Variants in EPB41L5 observed in about 807,000 individuals in gnomAD.
The protein encoded by EPB41L5 is band 4.1-like protein 5.
In EPB41L5, 55 loss-of-function variants were observed where a neutral mutation model predicts 106.6. The observed-to-expected ratio is 0.52, with a 90% CI of 0.42 to 0.65. EPB41L5 has a LOEUF of 0.65. EPB41L5 is among the 30% of genes least tolerant of loss of function. EPB41L5 has a pLI of 0.00. For missense variants in EPB41L5, 871 were observed against 882.1 expected (o/e 0.99, Z 0.16); for synonymous variants, 297 against 306.7 (o/e 0.97, Z 0.33).
intron 4 of EPB41L5, 55 bp downstream of exon 4, chr2:120,073,275 AT>A: frequency 1.4e-5 from 20 of 1,392,692 alleles, no homozygotes; most frequent in Non-Finnish European, 1.9e-5. Flanking sequence ...TATATTAGAA[AT>A]TCTGATTTCT....
chr2:120,122,788 T>C (rs897214799), intron 16 of EPB41L5, among the ~76,000 whole-genome samples: 2 of 152,246 alleles, frequency 1.3e-5, no homozygotes, highest in Non-Finnish European at 2.9e-5. Flanking sequence ...TTTCACGATA[T>C]TGATTCTTCC....
chr2:120,032,717 G>C (rs913545373), intron 2 of EPB41L5, among the ~76,000 whole-genome samples: 1 of 152,130 alleles, frequency 6.6e-6, no homozygotes, highest in African/African-American at 2.4e-5. Flanking sequence ...GCCCGGTTTT[G>C]AATATAGAAT....
chr2:120,136,443 A>T (rs894677486), intron 18 of EPB41L5, among the ~76,000 whole-genome samples: 1 of 151,142 alleles, frequency 6.6e-6, no homozygotes, highest in Non-Finnish European at 1.5e-5. Flanking sequence ...TAAACTCTCC[A>T]ATCAAAACAC....
intron 3 of EPB41L5, among the ~76,000 whole-genome samples, chr2:120,048,311 T>C (rs1679967004): frequency 6.6e-6 from 1 of 152,050 alleles, no homozygotes. Context: ...TGGTTGGTAG[T>C]CCATTAGTTA....
chr2:120,050,974 A>T (rs532657137), intron 3 of EPB41L5, among the ~76,000 whole-genome samples: 10 of 152,330 alleles, frequency 6.6e-5, no homozygotes, highest in African/African-American at 2.2e-4. Flanking sequence ...AGAACAGTGA[A>T]TATTGCTGAA....
rs1374166016 is a variant in EPB41L5, at chr2:120,131,657, T to C, written c.1541T>C (p.Met514Thr). 1 of 1,613,862 alleles carries C rather than the reference T, an allele frequency of 6.2e-7. No individual in the cohort carries two copies. The highest frequency in any genetic ancestry group is 8.5e-7 in the Non-Finnish European group (1 of 1,179,904). The change falls in exon 18 of 25, where the codon ATG becomes ACG. Residue 514 changes from methionine (M) to threonine (T), a missense_variant. Coordinates refer to ENST00000263713, the MANE Select transcript of EPB41L5 (RefSeq NM_020909.4). ...TCAGAGAAGCTCAAACAGCTTGAGATGGAGAACAGTCCTTTGCTGTCCCCT... is the reference window on the plus strand; with the variant it reads ...TCAGAGAAGCTCAAACAGCTTGAGACGGAGAACAGTCCTTTGCTGTCCCCT... ...DTSEKLKQLE[M>T]ENSPLLSPRS...
chr2:120,124,037 A>AG (rs1685348534), intron 16 of EPB41L5, among the ~76,000 whole-genome samples: 1 of 152,162 alleles, frequency 6.6e-6, no homozygotes, highest in African/African-American at 2.4e-5. Context: ...AGAAGAGGAA[A>AG]GGGGGCGAAG....
intron 20 of EPB41L5, among the ~76,000 whole-genome samples, chr2:120,153,620 C>T (rs1686773619): frequency 6.6e-6 from 1 of 152,090 alleles, no homozygotes; most frequent in African/African-American, 2.4e-5. Context: ...ATAGAATTGT[C>T]TATTTTCCCC....
chr2:120,027,455 A>G (rs1272423255), intron 2 of EPB41L5, among the ~76,000 whole-genome samples: 4 of 152,246 alleles, frequency 2.6e-5, no homozygotes, highest in Non-Finnish European at 4.4e-5. Flanking sequence ...GATTTCATTC[A>G]TGTGAAATTC....
At chr2:120,128,258 C>CACACACACACACACACACACACAA (rs1685547016) in intron 17 of EPB41L5, among the ~76,000 whole-genome samples, 1 of 144,522 alleles carries the variant, frequency 6.9e-6, no homozygotes, top group African/African-American at 2.6e-5. Context: ...TGCTTTAAAA[C>CACACACACACACACACACACACAA]ACACACACAC....
intron 3 of EPB41L5, among the ~76,000 whole-genome samples, chr2:120,064,028 T>G (rs571653598): frequency 6.6e-6 from 1 of 152,180 alleles, no homozygotes; most frequent in East Asian, 1.9e-4. Context: ...ATTTTAATGG[T>G]GATACAAGTC....
intron 17 of EPB41L5, among the ~76,000 whole-genome samples, chr2:120,129,643 C>T (rs969005090): frequency 6.6e-6 from 1 of 151,964 alleles, no homozygotes; most frequent in Non-Finnish European, 1.5e-5. Flanking sequence ...AATATATTAG[C>T]TTAGGATTTA....
chr2:120,118,281 T>C (rs1685043521), intron 16 of EPB41L5, among the ~76,000 whole-genome samples: 1 of 152,222 alleles, frequency 6.6e-6, no homozygotes, highest in Admixed American at 6.5e-5. Context: ...CTGAGGCAAC[T>C]GTATGTCCAC....
At chr2:120,160,387 G>C (rs1352642125) in intron 20 of EPB41L5, among the ~76,000 whole-genome samples, 1 of 152,166 alleles carries the variant, frequency 6.6e-6, no homozygotes, top group Non-Finnish European at 1.5e-5. Context: ...CAGGGTACAT[G>C]TGACAATACG....
intron 18 of EPB41L5, among the ~76,000 whole-genome samples, chr2:120,141,446 A>G (rs909779083): frequency 3.3e-5 from 5 of 152,158 alleles, no homozygotes; most frequent in East Asian, 1.9e-4. Flanking sequence ...GTTTAAGAAC[A>G]TAGACTTTGA....
intron 20 of EPB41L5, among the ~76,000 whole-genome samples, chr2:120,156,672 T>C (rs1013813881): frequency 3.9e-5 from 6 of 152,118 alleles, no homozygotes; most frequent in African/African-American, 1.4e-4. Flanking sequence ...CTGCCTGCAG[T>C]GCACAGAGAA....
At chr2:120,109,221 A>C (rs72841626) in intron 16 of EPB41L5, among the ~76,000 whole-genome samples, 4,661 of 152,290 alleles carry the variant, frequency 0.031, 106 homozygotes, top group Middle Eastern at 0.058. Flanking sequence ...TGAAATACAC[A>C]CAAAATTTTT....
intron 2 of EPB41L5, among the ~76,000 whole-genome samples, chr2:120,024,847 A>G (rs2105144495): frequency 6.6e-6 from 1 of 152,304 alleles, no homozygotes; most frequent in Middle Eastern, 3.4e-3. Context: ...CATCCCAGGT[A>G]TGAGGCCGAC....
intron 10 of EPB41L5, among the ~76,000 whole-genome samples, chr2:120,086,599 A>G (rs1351227945): frequency 2.6e-5 from 4 of 152,074 alleles, no homozygotes; most frequent in South Asian, 2.1e-4. Flanking sequence ...CCGTCTCTAC[A>G]AAGAATACAA....
Sources: gnomAD v4.1 joint callset for allele counts (sites outside exome capture counted in the v4.1 genomes callset) on GRCh38, gnomAD v4.1.1 for gene constraint, MANE v1.5 for transcripts, NCBI Gene and HGNC (gene_info 2026-07-23, HGNC 2026-07-21) for gene names.